The following WNT1 variants were observed in gnomAD, a reference collection of about 807,000 sequenced individuals.
WNT1 encodes proto-oncogene Wnt-1.
Under a neutral mutation model 21.3 loss-of-function variants are expected in WNT1, and 10 were observed. The ratio of observed to expected loss-of-function variants is 0.47; its 90% CI spans 0.29 to 0.80. The LOEUF (loss-of-function observed/expected upper bound fraction) is 0.80. Among genes scored for constraint, WNT1 ranks in the 30% least tolerant of loss-of-function variants. The pLI is 0.09. For missense variants in WNT1, 476 were observed against 534.1 expected (o/e 0.89, Z 1.07); for synonymous variants, 208 against 236.3 (o/e 0.88, Z 1.10).
chr12:48,979,753 G>A lies in WNT1; in HGVS notation c.358+32G>A, dbSNP rs751937821. ...GCCCAGGAAGGCGACGCTTCCGGGA[G>A]CAGGGGAAACGCGGGGTCACCCCCA... On this transcript the variant is annotated intron_variant, in intron 2 of 3. Coordinates refer to ENST00000293549, the MANE Select transcript of WNT1 (RefSeq NM_005430.4). The surrounding 1 kb of genome is among the most constrained non-coding windows in gnomAD (Gnocchi z 6.0). The A allele has an allele frequency of 6.4e-7, 1 of 1,553,586 alleles. No homozygotes were observed. Among genetic ancestry groups the A allele is most frequent in the South Asian group, 1.2e-5 (1 of 83,276 alleles).
chr12:48,979,665 G>A lies in WNT1; in HGVS notation c.302G>A (p.Arg101His). 1 of 1,612,388 alleles carries A rather than the reference G, an allele frequency of 6.2e-7. No homozygotes were observed. The highest frequency in any genetic ancestry group is 8.5e-7 in the Non-Finnish European group (1 of 1,179,004). ...RECKWQFRNR[R>H]WNCPTAPGPH... ...TGCAAGTGGCAGTTCCGGAATCGCC[G>A]CTGGAACTGTCCCACTGCTCCAGGG... The change falls in exon 2 of 4, where the codon CGC (arginine) becomes CAC (histidine). Residue 101 changes from arginine to histidine, a missense_variant. Transcript: ENST00000293549. This position sits in a 1 kb window ranked among gnomAD's most constrained non-coding sequence, Gnocchi z 6.0.
rs1941003218 is a variant in WNT1 at position 48,980,883 on chromosome 12, A to G, written c.624+194A>G. The stretch of plus-strand genomic sequence containing the variant: ...AGGTATGTCTGGCCCGCGGACAGGT[A>G]GAAGAGGTTGCAAATCAAGCACAGT... On this transcript the variant is annotated intron_variant, in intron 3 of 3. Transcript: ENST00000293549. This position sits in a 1 kb window ranked among gnomAD's most constrained non-coding sequence, Gnocchi z 7.0. Among the ~76,000 whole-genome samples, 1 of 152,222 alleles carries G rather than the reference A, an allele frequency of 6.6e-6. No individual in the cohort carries two copies. The highest frequency in any genetic ancestry group is 1.5e-5 in the Non-Finnish European group (1 of 68,028).
In WNT1 at chr12:48,981,485, C is replaced by G. The variant is rs1397832485; in HGVS notation, c.958C>G (p.Pro320Ala). The change falls in exon 4 of 4, where the codon CCC becomes GCC. Residue 320 changes from proline (P) to alanine (A), a missense_variant. Physicochemically the swap from Pro to Ala is conservative, Grantham distance 27 (BLOSUM62 -1). Coordinates refer to ENST00000293549, the MANE Select transcript of WNT1 (RefSeq NM_005430.4). The surrounding 1 kb of genome is among the most constrained non-coding windows in gnomAD (Gnocchi z 7.4). The stretch of plus-strand genomic sequence containing the variant: ...AGGGCGCGCCTGTAACAGCTCGTCG[C>G]CCGCGCTGGACGGCTGCGAGCTGCT... ...TAGRACNSSSPALDGCELLCC... is the reference protein window; with the variant it reads ...TAGRACNSSSAALDGCELLCC... The G allele has an allele frequency of 6.4e-7, 1 of 1,553,006 alleles. No individual in the cohort carries two copies. The highest frequency in any genetic ancestry group is 1.9e-5 in the Admixed American group (1 of 51,386).
Position 48,981,487 on chromosome 12 carries a change from C to T in WNT1, c.960C>T (p.Pro320=), listed in dbSNP as rs1335156879. The T allele has an allele frequency of 6.4e-7, 1 of 1,552,160 alleles. No homozygotes were observed. Among genetic ancestry groups the T allele is most frequent in the Non-Finnish European group, 8.7e-7 (1 of 1,148,152 alleles). Residue 320 remains proline, a synonymous_variant, in exon 4 of 4, where the codon CCC becomes CCT. Transcript: ENST00000293549. The surrounding 1 kb of genome is among the most constrained non-coding windows in gnomAD (Gnocchi z 7.4). ...TAGRACNSSS[P]ALDGCELLCC... ...GGCGCGCCTGTAACAGCTCGTCGCC[C>T]GCGCTGGACGGCTGCGAGCTGCTCT...
In WNT1 at chr12:48,979,682, G is replaced by A. The variant is rs1224095225; in HGVS notation, c.319G>A (p.Ala107Thr). The change falls in exon 2 of 4, where the codon GCT (alanine) becomes ACT (threonine). Residue 107 changes from alanine to threonine, a missense_variant. Ala to Thr is a moderately conservative substitution (Grantham distance 58, BLOSUM62 0). Transcript: ENST00000293549. This position sits in a 1 kb window ranked among gnomAD's most constrained non-coding sequence, Gnocchi z 6.0. ...GAATCGCCGCTGGAACTGTCCCACT[G>A]CTCCAGGGCCCCACCTCTTCGGCAA... ...FRNRRWNCPT[A>T]PGPHLFGKIV... The A allele has an allele frequency of 6.2e-7, 1 of 1,607,318 alleles. No individual in the cohort carries two copies. The highest frequency in any genetic ancestry group is 8.5e-7 in the Non-Finnish European group (1 of 1,175,004).
In WNT1 at chr12:48,980,046, C is replaced by A. The variant is rs1346581369; in HGVS notation, c.358+325C>A. On this transcript the variant is annotated intron_variant, in intron 2 of 3. Coordinates refer to ENST00000293549, the MANE Select transcript of WNT1 (RefSeq NM_005430.4). This position sits in a 1 kb window ranked among gnomAD's most constrained non-coding sequence, Gnocchi z 7.0. The stretch of plus-strand genomic sequence containing the variant: ...GAAGCTGCTCTCTGCAGGCGTGTGT[C>A]TGGCCTCTCGCCCAGCAAGGCTTGC... 6.6e-6 allele frequency among the ~76,000 whole-genome samples: 1 copy of A among 152,266 alleles called. No individual in the cohort carries two copies. The highest frequency in any genetic ancestry group is 6.5e-5 in the Admixed American group (1 of 15,288).
At position 48,980,630 on chromosome 12, in the gene WNT1, G is replaced by A. The variant is rs387907355; in HGVS notation, c.565G>A (p.Glu189Lys). ...CGGCCGGGAGTTCGTGGACTCCGGG[G>A]AGAAGGGGCGGGACCTGCGCTTCCT... ...LFGREFVDSG[E>K]KGRDLRFLMN... The change falls in exon 3 of 4, where the codon GAG becomes AAG. Residue 189 changes from glutamate to lysine, a missense_variant. Transcript: ENST00000293549. The surrounding 1 kb of genome is among the most constrained non-coding windows in gnomAD (Gnocchi z 7.0). 6.3e-7 allele frequency: 1 copy of A among 1,598,848 alleles called. No individual in the cohort carries two copies. Among genetic ancestry groups the A allele is most frequent in the Non-Finnish European group, 8.5e-7 (1 of 1,172,392 alleles).
Position 48,978,460 on chromosome 12 carries a change from C to T in WNT1, c.-191C>T. ...GCGCCGCAACTATAAGAGGCGGTGCCGCCCGCCGTGGCCGCCTCAGCCCAC... is the reference window on the plus strand; with the variant it reads ...GCGCCGCAACTATAAGAGGCGGTGCTGCCCGCCGTGGCCGCCTCAGCCCAC... On this transcript the variant is annotated 5_prime_UTR_variant, in exon 1 of 4. Transcript: ENST00000293549. This position sits in a 1 kb window ranked among gnomAD's most constrained non-coding sequence, Gnocchi z 7.4. 1 of 588,544 alleles carries T rather than the reference C, an allele frequency of 1.7e-6. No homozygotes were observed. Among genetic ancestry groups the T allele is most frequent in the Non-Finnish European group, 3.0e-6 (1 of 332,044 alleles). 36.5% of individuals were successfully genotyped at this position (588,544 alleles called of 1,614,324 possible).
Position 48,980,493 on chromosome 12 carries a change from G to A in WNT1, c.428G>A (p.Cys143Tyr). 1 of 1,614,194 alleles carries A rather than the reference G, an allele frequency of 6.2e-7. No individual in the cohort carries two copies. ...AGVTHSVARS[C>Y]SEGSIESCTC... ...GTCACCCATTCGGTGGCGCGCTCCT[G>A]CTCAGAAGGTTCCATCGAATCCTGC... The change falls in exon 3 of 4, where the codon TGC becomes TAC. Residue 143 changes from cysteine to tyrosine, a missense_variant. Cys to Tyr is a radical substitution (Grantham distance 194). Transcript: ENST00000293549. This position sits in a 1 kb window ranked among gnomAD's most constrained non-coding sequence, Gnocchi z 7.0.
rs1308829639 is a variant in WNT1 at position 48,979,163 on chromosome 12, C to T, written c.105-305C>T. Among the ~76,000 whole-genome samples, 1 of 152,174 alleles carries T rather than the reference C, an allele frequency of 6.6e-6. No homozygotes were observed. Among genetic ancestry groups the T allele is most frequent in the Non-Finnish European group, 1.5e-5 (1 of 68,034 alleles). On this transcript the variant is annotated intron_variant, in intron 1 of 3. Transcript: ENST00000293549. This position sits in a 1 kb window ranked among gnomAD's most constrained non-coding sequence, Gnocchi z 6.0. ...CCTTGGGTGGGCAAGAACTGCAGGC[C>T]ATGATTATCTCGCTCAGGCTGACCG...
At position 48,981,012 on chromosome 12, in the gene WNT1, G is replaced by C; in HGVS notation, c.625-140G>C. On this transcript the variant is annotated intron_variant, in intron 3 of 3. Transcript: ENST00000293549. This position sits in a 1 kb window ranked among gnomAD's most constrained non-coding sequence, Gnocchi z 7.4. ...TTTCCAAATCTCAGCGGAACATTTC[G>C]CGCCTCCCTTCCCCTGGGCTCAGCT... 7.3e-7 allele frequency: 1 copy of C among 1,372,290 alleles called. No homozygotes were observed. The highest frequency in any genetic ancestry group is 9.7e-7 in the Non-Finnish European group (1 of 1,027,944). The allele number at this position is 1,372,290 out of a possible 1,614,324, so 85.0% of individuals were successfully genotyped here.
rs1940990665 is a variant in WNT1, at chr12:48,980,153, GTC to G, written c.359-265_359-264del. Among the ~76,000 whole-genome samples, 1 of 152,222 alleles carries G rather than the reference GTC, an allele frequency of 6.6e-6. No individual in the cohort carries two copies. The highest frequency in any genetic ancestry group is 2.1e-4 in the South Asian group (1 of 4,828). ...TCTTCCGCTCCCCTCTCTTCGGTTT[GTC>G]TCTCTGGGGCTGCTCCACTTCCGCT... is the stretch of plus-strand genomic sequence containing the variant. On this transcript the variant is annotated intron_variant, in intron 2 of 3. Transcript: ENST00000293549. The surrounding 1 kb of genome is among the most constrained non-coding windows in gnomAD (Gnocchi z 7.0).
At position 48,979,809 on chromosome 12, in the gene WNT1, T is replaced by A; in HGVS notation, c.358+88T>A. The A allele has an allele frequency of 6.9e-7, 1 of 1,447,994 alleles. No homozygotes were observed. The highest frequency in any genetic ancestry group is 9.1e-7 in the Non-Finnish European group (1 of 1,103,212). The allele number at this position is 1,447,994 out of a possible 1,614,324, so 89.7% of individuals were successfully genotyped here. On this transcript the variant is annotated intron_variant, in intron 2 of 3. Transcript: ENST00000293549. The surrounding 1 kb of genome is among the most constrained non-coding windows in gnomAD (Gnocchi z 6.0). The stretch of plus-strand genomic sequence containing the variant: ...TGGGCGGGCGAGTTCAGAGAAGGTG[T>A]CCCAGGCGCCTGGAGGGTCACACAA...
rs935029972 is a variant in WNT1, at chr12:48,982,511, G to A, written c.*871G>A. Among the ~76,000 whole-genome samples the A allele has an allele frequency of 6.6e-6, 1 of 152,032 alleles. No homozygotes were observed. Among genetic ancestry groups the A allele is most frequent in the African/African-American group, 2.4e-5 (1 of 41,366 alleles). On this transcript the variant is annotated 3_prime_UTR_variant, in exon 4 of 4. Transcript: ENST00000293549. ...TCTCTCCTCAGTTTCTCAAAGATGC[G>A]TTTGCCTCCTGGAATCAGTATTTCC...
chr12:48,979,611 G>T lies in WNT1; in HGVS notation c.248G>T (p.Ser83Ile). 1 of 1,614,144 alleles carries T rather than the reference G, an allele frequency of 6.2e-7. No individual in the cohort carries two copies. The highest frequency in any genetic ancestry group is 8.5e-7 in the Non-Finnish European group (1 of 1,180,048). Reference protein sequence around the residue: ...RQNPGILHSVSGGLQSAVREC... With the variant: ...RQNPGILHSVIGGLQSAVREC... ...AATCCGGGGATCCTGCACAGCGTGAGTGGGGGGCTGCAGAGTGCCGTGCGC... is the reference window on the plus strand; with the variant it reads ...AATCCGGGGATCCTGCACAGCGTGATTGGGGGGCTGCAGAGTGCCGTGCGC... Residue 83 changes from serine (S) to isoleucine (I), a missense_variant, in exon 2 of 4, where the codon AGT (serine) becomes ATT (isoleucine). By Grantham distance (142) the Ser-to-Ile change is moderately radical (BLOSUM62 -2). Coordinates refer to ENST00000293549, the MANE Select transcript of WNT1 (RefSeq NM_005430.4). This position sits in a 1 kb window ranked among gnomAD's most constrained non-coding sequence, Gnocchi z 6.0.
Position 48,978,357 on chromosome 12 carries a change from T to G in WNT1, c.-294T>G. The G allele has an allele frequency of 2.2e-6, 1 of 445,700 alleles. No individual in the cohort carries two copies. Among genetic ancestry groups the G allele is most frequent in the Non-Finnish European group, 4.0e-6 (1 of 247,528 alleles). 27.6% of individuals were successfully genotyped at this position (445,700 alleles called of 1,614,324 possible). On this transcript the variant is annotated 5_prime_UTR_variant, in exon 1 of 4. Transcript: ENST00000293549. The surrounding 1 kb of genome is among the most constrained non-coding windows in gnomAD (Gnocchi z 7.4). ...GAACCACAGCCCCGCTCGCTGCCCA[T>G]TGTCTGCGCCCCTAACCGGTGCGCC...
Position 48,980,827 on chromosome 12 carries a change from G to A in WNT1, c.624+138G>A, listed in dbSNP as rs1356072478. ...AGAGCCGGAGGCTTGGAACGAAGAC[G>A]GAGAATAGAGGAGACAGTGGCTGAG... On this transcript the variant is annotated intron_variant, in intron 3 of 3. Coordinates refer to ENST00000293549, the MANE Select transcript of WNT1 (RefSeq NM_005430.4). This position sits in a 1 kb window ranked among gnomAD's most constrained non-coding sequence, Gnocchi z 7.0. 2 of 1,378,110 alleles carry A rather than the reference G, an allele frequency of 1.5e-6. No homozygotes were observed. Among genetic ancestry groups the A allele is most frequent in the South Asian group, 1.5e-5 (1 of 64,888 alleles). The allele number at this position is 1,378,110 out of a possible 1,614,324, so 85.4% of individuals were successfully genotyped here. A position where few individuals can be genotyped will look rare whatever the true frequency, so the allele number is the denominator to read the frequency against.
Position 48,980,639 on chromosome 12 carries a change from C to T in WNT1, c.574C>T (p.Arg192Trp), listed in dbSNP as rs778963576. The change falls in exon 3 of 4, where the codon CGG becomes TGG. Residue 192 changes from arginine (R) to tryptophan (W), a missense_variant. Arg to Trp is a moderately radical substitution (Grantham distance 101). Coordinates refer to ENST00000293549, the MANE Select transcript of WNT1 (RefSeq NM_005430.4). The surrounding 1 kb of genome is among the most constrained non-coding windows in gnomAD (Gnocchi z 7.0). ...REFVDSGEKG[R>W]DLRFLMNLHN... ...GTTCGTGGACTCCGGGGAGAAGGGG[C>T]GGGACCTGCGCTTCCTCATGAACCT... 13 of 1,590,546 alleles carry T rather than the reference C, an allele frequency of 8.2e-6. No individual in the cohort carries two copies. Among genetic ancestry groups the T allele is most frequent in the Non-Finnish European group, 1.1e-5 (13 of 1,168,512 alleles).
chr12:48,982,166 G>A lies in WNT1; in HGVS notation c.*526G>A, dbSNP rs1191123322. Among the ~76,000 whole-genome samples, 3 of 152,146 alleles carry A rather than the reference G, an allele frequency of 2.0e-5. No individual in the cohort carries two copies. Among genetic ancestry groups the A allele is most frequent in the Non-Finnish European group, 4.4e-5 (3 of 68,020 alleles). On this transcript the variant is annotated 3_prime_UTR_variant, in exon 4 of 4. Transcript: ENST00000293549. Reference sequence around the variant, plus strand: ...TGAAGCAGGAGGTTACAGGGCAAAAGGGCAGCTGTGATGATGTGGAAATGA... The same window carrying A: ...TGAAGCAGGAGGTTACAGGGCAAAAAGGCAGCTGTGATGATGTGGAAATGA...
Sources: gnomAD v4.1 joint callset for allele counts (sites outside exome capture counted in the v4.1 genomes callset) on GRCh38, gnomAD v4.1.1 for gene constraint, Gnocchi (gnomAD v3.1) non-coding constraint, MANE v1.5 for transcripts, NCBI Gene and HGNC (gene_info 2026-07-23, HGNC 2026-07-21) for gene names.